MARCHF1: variants seen among roughly 807,000 people sequenced by gnomAD.
MARCHF1 encodes membrane associated ring-CH-type finger 1.
In MARCHF1, 40 loss-of-function variants were observed where a neutral mutation model predicts 54.2. That is an observed-to-expected ratio of 0.74 (90% CI 0.57 to 0.96). The LOEUF is 0.96. MARCHF1 is among the 40% of genes least tolerant of loss of function. The pLI, the probability that MARCHF1 is intolerant of heterozygous loss-of-function variation, is 0.00. For synonymous variants in MARCHF1, 236 were observed against 236.3 expected (o/e 1.00, Z 0.01); for missense variants, 586 against 656.5 (o/e 0.89, Z 1.17).
intron 1 of MARCHF1, among the ~76,000 whole-genome samples, chr4:164,129,013 T>G (rs1756245408): frequency 6.6e-6 from 1 of 152,214 alleles, no homozygotes; most frequent in Admixed American, 6.5e-5. Flanking sequence ...AGTGCCTACC[T>G]GGTTCATCCC....
At chr4:164,324,152 A>C (rs948630527) in intron 1 of MARCHF1, among the ~76,000 whole-genome samples, 4 of 151,878 alleles carry the variant, frequency 2.6e-5, no homozygotes, top group African/African-American at 7.2e-5. Flanking sequence ...AACCTAACAT[A>C]ATCAATTACA....
intron 4 of MARCHF1, among the ~76,000 whole-genome samples, chr4:163,829,896 T>C (rs1748969624): frequency 6.6e-6 from 1 of 152,202 alleles, no homozygotes; most frequent in African/African-American, 2.4e-5. Context: ...GTTAATAACT[T>C]GGCCTTGCCT....
intron 2 of MARCHF1, among the ~76,000 whole-genome samples, chr4:164,012,267 G>A (rs1002515260): frequency 6.6e-6 from 1 of 152,064 alleles, no homozygotes; most frequent in Non-Finnish European, 1.5e-5. Flanking sequence ...TACAACTCCA[G>A]GCACTGTAGC....
chr4:164,043,433 T>G (rs1022875811), intron 2 of MARCHF1, among the ~76,000 whole-genome samples: 1 of 152,128 alleles, frequency 6.6e-6, no homozygotes, highest in Non-Finnish European at 1.5e-5. Flanking sequence ...TTACCACTTT[T>G]AGCCACAGCT....
intron 1 of MARCHF1, among the ~76,000 whole-genome samples, chr4:164,155,041 C>T (rs780578611): frequency 1.3e-5 from 2 of 152,172 alleles, no homozygotes; most frequent in Non-Finnish European, 2.9e-5. Context: ...CTTTTCTTCT[C>T]ATCCTCTCTG....
intron 1 of MARCHF1, among the ~76,000 whole-genome samples, chr4:164,194,275 A>G (rs1731195675): frequency 6.6e-6 from 1 of 152,206 alleles, no homozygotes; most frequent in Non-Finnish European, 1.5e-5. Context: ...TAGCGCCAAC[A>G]AAGTATTAAA....
chr4:163,754,056 C>T (rs917638032), intron 4 of MARCHF1, among the ~76,000 whole-genome samples: 40 of 152,122 alleles, frequency 2.6e-4, no homozygotes, highest in African/African-American at 9.7e-4. Context: ...GACTGAAAGG[C>T]CCAGTGTTGG....
intron 7 of MARCHF1, among the ~76,000 whole-genome samples, chr4:163,593,819 T>C (rs1212589536): frequency 6.6e-6 from 1 of 152,256 alleles, no homozygotes; most frequent in Non-Finnish European, 1.5e-5. Context: ...ACTGATGTTT[T>C]ACAGCAGTTC....
chr4:163,747,516 T>C (rs1246943218), intron 4 of MARCHF1, among the ~76,000 whole-genome samples: 2 of 152,170 alleles, frequency 1.3e-5, no homozygotes, highest in African/African-American at 4.8e-5. Context: ...GCCTTTGAAA[T>C]CTGGTAGTGT....
At chr4:164,178,403 C>A (rs902571273) in intron 1 of MARCHF1, among the ~76,000 whole-genome samples, 1 of 152,138 alleles carries the variant, frequency 6.6e-6, no homozygotes, top group African/African-American at 2.4e-5. Flanking sequence ...AGTGCAGGAG[C>A]AAAATTATGT....
intron 1 of MARCHF1, among the ~76,000 whole-genome samples, chr4:164,179,751 ATCTGGC>A (rs1579599893): frequency 2.6e-5 from 4 of 151,848 alleles, no homozygotes; most frequent in East Asian, 1.9e-4. Flanking sequence ...ATTACTCTCC[ATCTGGC>A]AATATCTCTT....
At chr4:163,621,959 C>T (rs1741708091) in intron 5 of MARCHF1, among the ~76,000 whole-genome samples, 1 of 152,018 alleles carries the variant, frequency 6.6e-6, no homozygotes, top group Non-Finnish European at 1.5e-5. Context: ...ATGGGCAGTG[C>T]CTAATGTGGC....
chr4:164,312,800 T>C (rs957488511), intron 1 of MARCHF1, among the ~76,000 whole-genome samples: 3 of 152,104 alleles, frequency 2.0e-5, no homozygotes, highest in Admixed American at 6.5e-5. Flanking sequence ...GAATTCAAGA[T>C]GCATGTTAAA....
At position 163,880,253 on chromosome 4, in the gene MARCHF1, CTTTTA is replaced by C. The variant is rs149816436; in HGVS notation, c.-38-26089_-38-26085del. 7.9e-3 allele frequency among the ~76,000 whole-genome samples: 1,202 copies of C among 151,230 alleles called. 15 individuals are homozygous for C. The highest frequency in any genetic ancestry group is 0.028 in the African/African-American group (1,144 of 41,384). On this transcript the variant is annotated intron_variant, in intron 3 of 9. Transcript: ENST00000514618. ...GCAACCAGATATAGAATTAAAAATACTTTTATTTTTATAAAATTATTTTATGATAT... is the reference window on the plus strand; with the variant it reads ...GCAACCAGATATAGAATTAAAAATACTTTTTATAAAATTATTTTATGATAT...
intron 4 of MARCHF1, among the ~76,000 whole-genome samples, chr4:163,830,797 T>C (rs1048910277): frequency 1.3e-5 from 2 of 152,046 alleles, no homozygotes; most frequent in Non-Finnish European, 2.9e-5. Context: ...AAAATAAAAT[T>C]AAAAACAAAG....
At chr4:163,846,479 A>C (rs745445610) in intron 4 of MARCHF1, among the ~76,000 whole-genome samples, 1 of 152,148 alleles carries the variant, frequency 6.6e-6, no homozygotes. Context: ...AGAAGATGGG[A>C]ATAACTCGGA....
intron 3 of MARCHF1, among the ~76,000 whole-genome samples, chr4:163,953,983 G>A (rs1752184496): frequency 6.6e-6 from 1 of 152,118 alleles, no homozygotes; most frequent in African/African-American, 2.4e-5. Context: ...AAAAACTACA[G>A]CAGAATTATT....
chr4:164,247,946 T>C (rs1733004667), intron 1 of MARCHF1, among the ~76,000 whole-genome samples: 3 of 151,406 alleles, frequency 2.0e-5, no homozygotes, highest in Non-Finnish European at 2.9e-5. Flanking sequence ...GAATGTGAGA[T>C]GTTTTTACAG....
intron 3 of MARCHF1, among the ~76,000 whole-genome samples, chr4:163,967,934 G>A (rs566283907): frequency 3.3e-5 from 5 of 152,240 alleles, no homozygotes; most frequent in East Asian, 1.9e-4. Context: ...CCCACATTAT[G>A]AGTGCAATCT....
Sources: gnomAD v4.1 joint callset for allele counts (sites outside exome capture counted in the v4.1 genomes callset) on GRCh38, gnomAD v4.1.1 for gene constraint, MANE v1.5 for transcripts, NCBI Gene and HGNC (gene_info 2026-07-23, HGNC 2026-07-21) for gene names.